The following LCOR variants were observed in gnomAD, a reference collection of about 807,000 sequenced individuals.
LCOR encodes ligand-dependent corepressor.
Under a neutral mutation model 64.4 loss-of-function variants are expected in LCOR, and 14 were observed. That is an observed-to-expected ratio of 0.22 (90% CI 0.14 to 0.34). The LOEUF (loss-of-function observed/expected upper bound fraction) is 0.34. Ranked by LOEUF, LCOR falls within the 10% of genes least tolerant of loss-of-function variation. The probability of loss-of-function intolerance (pLI) is 1.00; values close to 1 mark genes in which losing one functional copy is unlikely to be tolerated. For synonymous variants in LCOR, 643 were observed against 642.5 expected, an observed-to-expected ratio of 1.00 and a Z score of -0.01; for missense variants, 1,686 against 1,765.3, an observed-to-expected ratio of 0.96 and a Z score of 0.80.
At chr10:96,851,192 G>C (rs1024846120) in intron 2 of LCOR, among the ~76,000 whole-genome samples, 1 of 152,222 alleles carries the variant, frequency 6.6e-6, no homozygotes, top group Non-Finnish European at 1.5e-5. Flanking sequence ...TGGACTGGAT[G>C]ATGACTGCAG....
intron 2 of LCOR, among the ~76,000 whole-genome samples, chr10:96,873,571 C>CATGTGT (rs759335426): frequency 7.9e-6 from 1 of 126,340 alleles, no homozygotes; most frequent in Non-Finnish European, 1.7e-5. Context: ...CACACACACA[C>CATGTGT]GTGTGTGTGT....
At position 96,837,555 on chromosome 10, in the gene LCOR, G is replaced by A. The variant is rs1352940197; in HGVS notation, c.-330+4076G>A. Among the ~76,000 whole-genome samples, 5 of 152,110 alleles carry A rather than the reference G, an allele frequency of 3.3e-5. No homozygotes were observed. The East Asian group carries it at 7.7e-4, about 23-fold the overall frequency. On this transcript the variant is annotated intron_variant, in intron 2 of 7. Coordinates refer to ENST00000421806, the MANE Select transcript of LCOR (RefSeq NM_001346516.2). Reference sequence around the variant, plus strand: ...CAGGCGTGAGCCACCGTGCCCGGCCGACAGATTCTTTTTTAAACCACCTTT... The same window carrying A: ...CAGGCGTGAGCCACCGTGCCCGGCCAACAGATTCTTTTTTAAACCACCTTT...
intron 2 of LCOR, among the ~76,000 whole-genome samples, chr10:96,869,289 T>G (rs1039958938): frequency 6.6e-6 from 1 of 152,064 alleles, no homozygotes; most frequent in Non-Finnish European, 1.5e-5. Context: ...CTCGGCCCAT[T>G]ACAGCCTCCA....
intron 2 of LCOR, among the ~76,000 whole-genome samples, chr10:96,876,061 T>TC (rs59878963): frequency 7.9e-5 from 12 of 152,026 alleles, no homozygotes; most frequent in East Asian, 5.8e-4. Context: ...GACAATTTTT[T>TC]CCCCTATCAT....
At chr10:96,948,982 A>G in intron 5 of LCOR, 26 bp from the exon 6 acceptor site, 1 of 1,529,016 alleles carries the variant, frequency 6.5e-7, no homozygotes, top group South Asian at 1.2e-5. Context: ...GTCCCACTTT[A>G]AAAGTAAATA....
At chr10:96,843,061 C>T (rs1845568719) in intron 2 of LCOR, among the ~76,000 whole-genome samples, 1 of 152,096 alleles carries the variant, frequency 6.6e-6, no homozygotes, top group Admixed American at 6.6e-5. Flanking sequence ...TTATTGTTGC[C>T]ATTGCATGGA....
intron 2 of LCOR, among the ~76,000 whole-genome samples, chr10:96,898,276 G>A (rs1846576405): frequency 6.6e-6 from 1 of 152,172 alleles, no homozygotes. Context: ...AACATTGTAG[G>A]CTGACGACAT....
At chr10:96,967,274 G>T (rs891811333) in intron 7 of LCOR, among the ~76,000 whole-genome samples, 5 of 152,128 alleles carry the variant, frequency 3.3e-5, no homozygotes, top group Admixed American at 1.3e-4. Flanking sequence ...TGGGATTATA[G>T]GTGTGTGCCA....
chr10:96,882,873 C>G (rs998477698), intron 2 of LCOR, among the ~76,000 whole-genome samples: 2 of 152,092 alleles, frequency 1.3e-5, no homozygotes, highest in Non-Finnish European at 2.9e-5. Flanking sequence ...TAATACACTT[C>G]TTTAATGCGT....
rs1358942336 is a variant in LCOR, at chr10:96,989,704, T to A, written c.*4570T>A. 4.6e-3 allele frequency: 618 copies of A among 134,614 alleles called. 3 individuals are homozygous for A. Among genetic ancestry groups the A allele is most frequent in the African/African-American group, 0.012 (398 of 32,956 alleles). 8.3% of individuals were successfully genotyped at this position (134,614 alleles called of 1,614,324 possible). ...ATATATATATATATATATTTTTTTT[T>A]TTTTTTTTTTTTTTTAATAGAGACG... On this transcript the variant is annotated 3_prime_UTR_variant, in exon 8 of 8. Transcript: ENST00000421806.
intron 2 of LCOR, among the ~76,000 whole-genome samples, chr10:96,843,345 C>T (rs541035396): frequency 1.3e-5 from 2 of 152,046 alleles, no homozygotes; most frequent in Non-Finnish European, 2.9e-5. Flanking sequence ...GTAGCCCAGG[C>T]TTGTCTCGAT....
chr10:96,947,984 G>T (rs968553078), intron 5 of LCOR, among the ~76,000 whole-genome samples: 7 of 152,040 alleles, frequency 4.6e-5, no homozygotes, highest in Non-Finnish European at 1.0e-4. Context: ...GGTACACAGA[G>T]GTAAACAAAC....
At chr10:96,855,597 G>T (rs1015856295) in intron 2 of LCOR, among the ~76,000 whole-genome samples, 1 of 151,664 alleles carries the variant, frequency 6.6e-6, no homozygotes, top group East Asian at 1.9e-4. Context: ...ACCATACTTG[G>T]CTAATGTTTT....
At chr10:96,833,279 T>G in intron 1 of LCOR, 127 bp from the exon 2 acceptor site, 1 of 949,704 alleles carries the variant, frequency 1.1e-6, no homozygotes, top group Non-Finnish European at 1.3e-6. Flanking sequence ...TCCCGGACCT[T>G]GGGCCGCCCT....
At chr10:96,879,232 G>C (rs1204678553) in intron 2 of LCOR, among the ~76,000 whole-genome samples, 1 of 152,178 alleles carries the variant, frequency 6.6e-6, no homozygotes, top group Non-Finnish European at 1.5e-5. Context: ...CACAGATGAA[G>C]CACAAAGAAA....
rs572066865 is a variant in LCOR at position 96,992,047 on chromosome 10, T to C, written c.*6913T>C. 1 of 152,348 alleles carries C rather than the reference T, an allele frequency of 6.6e-6. No individual in the cohort carries two copies. Among genetic ancestry groups the C allele is most frequent in the East Asian group, 1.9e-4 (1 of 5,192 alleles). The allele number at this position is 152,348 out of a possible 1,614,324, so 9.4% of individuals were successfully genotyped here. A position where few individuals can be genotyped will look rare whatever the true frequency, so the allele number is the denominator to read the frequency against. On this transcript the variant is annotated 3_prime_UTR_variant, in exon 8 of 8. Transcript: ENST00000421806. ...CTCATAGTTGTCTTGTAGCTAAAGC[T>C]GAGGTATTTGGGAGCTAATTTTTGG... is the stretch of plus-strand genomic sequence containing the variant.
chr10:96,832,943 G>T lies in LCOR; in HGVS notation c.-403-463G>T, dbSNP rs939430480. ...GCGGCGGGCTGCAGGCGGGCGCCCG[G>T]CGCTCGGGCGTGTGCGAAGCGTGAG... On this transcript the variant is annotated intron_variant, in intron 1 of 7. Coordinates refer to ENST00000421806, the MANE Select transcript of LCOR (RefSeq NM_001346516.2). 23 of 970,992 alleles carry T rather than the reference G, an allele frequency of 2.4e-5. No homozygotes were observed. The African/African-American group carries it at 3.5e-4, about 15-fold the overall frequency. The allele number at this position is 970,992 out of a possible 1,614,324, so 60.1% of individuals were successfully genotyped here. A position where few individuals can be genotyped will look rare whatever the true frequency, so the allele number is the denominator to read the frequency against.
chr10:96,937,874 A>G (rs1027259519), intron 4 of LCOR, among the ~76,000 whole-genome samples: 9 of 152,378 alleles, frequency 5.9e-5, no homozygotes, highest in Admixed American at 5.9e-4. Flanking sequence ...AATTTGCAAC[A>G]TATAAAAAGT....
In LCOR at chr10:96,920,765, C is replaced by T; in HGVS notation, c.-184+13018C>T. On this transcript the variant is annotated intron_variant, in intron 4 of 7. Transcript: ENST00000421806. Reference sequence around the variant, plus strand: ...GTATATATGTATACACACACACACACACACACACACACACACACACACACA... The same window carrying T: ...GTATATATGTATACACACACACACATACACACACACACACACACACACACA... 1.7e-5 allele frequency among the ~76,000 whole-genome samples: 2 copies of T among 119,676 alleles called. 1 individual carries two copies. Among genetic ancestry groups the T allele is most frequent in the African/African-American group, 9.3e-5 (2 of 21,610 alleles). 78.5% of individuals were successfully genotyped at this position (119,676 alleles called of 152,430 possible). A position where few individuals can be genotyped will look rare whatever the true frequency, so the allele number is the denominator to read the frequency against.
Sources: allele counts gnomAD v4.1 joint callset (sites outside exome capture counted in the v4.1 genomes callset), GRCh38; gene constraint gnomAD v4.1.1; transcripts MANE v1.5; gene names NCBI Gene and HGNC (gene_info 2026-07-23, HGNC 2026-07-21).